The following BNIP5 variants were observed in gnomAD, a reference collection of about 807,000 sequenced individuals.
The protein encoded by BNIP5 is protein BNIP5.
A neutral mutation model predicts 67.3 loss-of-function variants in BNIP5; 61 were observed. The observed-to-expected ratio is 0.91, with a 90% CI of 0.74 to 1.12. BNIP5 has a LOEUF of 1.12. Among genes scored for constraint, BNIP5 ranks in the 50% most tolerant of loss-of-function variants. BNIP5 has a pLI of 0.00. For synonymous variants in BNIP5, 317 were observed against 319.0 expected, an observed-to-expected ratio of 0.99 and a Z score of 0.07; for missense variants, 826 against 816.3, an observed-to-expected ratio of 1.01 and a Z score of -0.14.
chr6:36,325,253 G>A (rs762955238), intron 6 of BNIP5, 30 bp downstream of exon 6: 1 of 1,612,014 alleles, frequency 6.2e-7, no homozygotes, highest in South Asian at 1.1e-5. Flanking sequence ...TTTTGCAAGG[G>A]GTGTCTGAGA....
At chr6:36,326,887 G>A (rs1771775941) in intron 4 of BNIP5, 134 bp from the exon 5 acceptor site, 1 of 1,435,792 alleles carries the variant, frequency 7.0e-7, no homozygotes, top group Non-Finnish European at 9.8e-7. Flanking sequence ...AGAGCAGGGG[G>A]AGGGCTGAGT....
intron 11 of BNIP5, among the ~76,000 whole-genome samples, chr6:36,317,804 TTAAATGAA>T (rs1228309609): frequency 7.1e-6 from 1 of 141,454 alleles, no homozygotes; most frequent in Non-Finnish European, 1.6e-5. Flanking sequence ...TAGCTACCAG[TTAAATGAA>T]TGAATGAATG....
rs182061720 is a variant in BNIP5, at chr6:36,323,197, C to G, written c.1471+96G>C. 2.8e-3 allele frequency: 4,187 copies of G among 1,503,942 alleles called. 19 individuals are homozygous for G. The highest frequency in any genetic ancestry group is 9.3e-3 in the South Asian group (791 of 85,218). 93.2% of individuals were successfully genotyped at this position (1,503,942 alleles called of 1,614,324 possible). On this transcript the variant is annotated intron_variant, in intron 8 of 11. Coordinates refer to ENST00000437635, the MANE Select transcript of BNIP5 (RefSeq NM_001010903.5). ...CAGGGCTTTCAGCAACAGTGGACAT[C>G]CTCCACTATGCCAGCCTGTCAACGA...
Position 36,323,491 on chromosome 6 carries a change from C to A in BNIP5, c.1273G>T (p.Ala425Ser), listed in dbSNP as rs1421505630. The change falls in exon 8 of 12, where the codon GCC becomes TCC. Residue 425 changes from alanine to serine, a missense_variant. Physicochemically the swap from Ala to Ser is moderately conservative, Grantham distance 99. Coordinates refer to ENST00000437635, the MANE Select transcript of BNIP5 (RefSeq NM_001010903.5). The part of the protein sequence containing the change: ...QQEEVGVENP[A>S]PHCRRKSQEK... ...TGAGATTTCCTTCTGCAGTGTGGGGCCGGGTTTTCTACACCCACCTCTTCC... is the reference window on the plus strand; with the variant it reads ...TGAGATTTCCTTCTGCAGTGTGGGGACGGGTTTTCTACACCCACCTCTTCC... The A allele has an allele frequency of 6.2e-7, 1 of 1,614,164 alleles. No individual in the cohort carries two copies. The highest frequency in any genetic ancestry group is 8.5e-7 in the Non-Finnish European group (1 of 1,180,032).
At chr6:36,330,793 T>C in intron 1 of BNIP5, 99 bp from the exon 2 acceptor site, 1 of 1,435,018 alleles carries the variant, frequency 7.0e-7, no homozygotes, top group Non-Finnish European at 9.1e-7. Flanking sequence ...TGACGGAGCC[T>C]CGGTCTATTG....
intron 6 of BNIP5, among the ~76,000 whole-genome samples, chr6:36,324,920 C>A (rs1771727543): frequency 6.6e-6 from 1 of 152,028 alleles, no homozygotes; most frequent in South Asian, 2.1e-4. Flanking sequence ...GAAACTGAGA[C>A]CAGAGATGAA....
Position 36,320,830 on chromosome 6 carries a change from G to A in BNIP5, c.1668+325C>T, listed in dbSNP as rs115840604. On this transcript the variant is annotated intron_variant, in intron 10 of 11. Coordinates refer to ENST00000437635, the MANE Select transcript of BNIP5 (RefSeq NM_001010903.5). ...GGGCCAGGAGTGGCCAGGTGTGGGC[G>A]GAGGAGGCTTCCAAGGACGGGGGAC... is the stretch of plus-strand genomic sequence containing the variant. Among the ~76,000 whole-genome samples, 1,183 of 152,306 alleles carry A rather than the reference G, an allele frequency of 7.8e-3. 24 individuals are homozygous for A. The highest frequency in any genetic ancestry group is 0.027 in the African/African-American group (1,111 of 41,552).
intron 5 of BNIP5, among the ~76,000 whole-genome samples, chr6:36,326,236 G>A (rs867771202): frequency 3.3e-5 from 5 of 152,166 alleles, no homozygotes; most frequent in South Asian, 2.1e-4. Flanking sequence ...AAGTTGAGGC[G>A]GCCAAGAAAT....
rs140143093 is a variant in BNIP5 at position 36,330,152 on chromosome 6, C to T, written c.539G>A (p.Arg180Gln). Residue 180 changes from arginine to glutamine, a missense_variant, in exon 2 of 12, where the codon CGA becomes CAA. Coordinates refer to ENST00000437635, the MANE Select transcript of BNIP5 (RefSeq NM_001010903.5). Reference sequence around the variant, plus strand: ...AGCTGCCTTGGACAACCCTTCCTCTCGGCCTCTGGCCTCCTGGTCTTGAGC... The same window carrying T: ...AGCTGCCTTGGACAACCCTTCCTCTTGGCCTCTGGCCTCCTGGTCTTGAGC... ...KAAQDQEARG[R>Q]EEGLSKAAAA... is the part of the protein sequence containing the mutation. 8.6e-5 allele frequency: 138 copies of T among 1,613,632 alleles called. No individual in the cohort carries two copies. The African/African-American group carries it at 1.5e-3, about 18-fold the overall frequency.
intron 6 of BNIP5, 97 bp downstream of exon 6, chr6:36,325,186 G>T: frequency 7.2e-7 from 1 of 1,382,772 alleles, no homozygotes; most frequent in Non-Finnish European, 1.0e-6. Context: ...GTCTGGACAG[G>T]TCACTGCCTC....
chr6:36,324,028 G>T, intron 7 of BNIP5, 101 bp downstream of exon 7: 1 of 876,622 alleles, frequency 1.1e-6, no homozygotes, highest in Non-Finnish European at 1.9e-6. Context: ...AGGGACTGGA[G>T]CAGGACACAG....
chr6:36,333,586 A>T (rs1771949897), intron 1 of BNIP5, among the ~76,000 whole-genome samples: 1 of 152,232 alleles, frequency 6.6e-6, no homozygotes, highest in African/African-American at 2.4e-5. Flanking sequence ...AGTGCTAGGG[A>T]TACAATCATG....
At position 36,327,091 on chromosome 6, in the gene BNIP5, T is replaced by C. The variant is rs772485388; in HGVS notation, c.731A>G (p.Asp244Gly). The C allele has an allele frequency of 3.1e-6, 5 of 1,613,182 alleles. No individual in the cohort carries two copies. The highest frequency in any genetic ancestry group is 4.2e-6 in the Non-Finnish European group (5 of 1,179,168). ...TTCCACTATCATCTGAATGATAGCA[T>C]CCTCTGGAAGAAAGCAAATGCATCC... ...QEEELKKPDQ[D>G]AIIQMIVELL... The change falls in exon 4 of 12, where the codon GAT becomes GGT. Residue 244 changes from aspartate (D) to glycine (G), a missense_variant. Transcript: ENST00000437635.
chr6:36,328,554 C>T, intron 3 of BNIP5, 44 bp downstream of exon 3: 1 of 1,167,544 alleles, frequency 8.6e-7, no homozygotes. Flanking sequence ...CAGTAACAGC[C>T]ACCTCAGCCA....
intron 5 of BNIP5, 70 bp from the exon 6 acceptor site, chr6:36,325,484 CA>C: frequency 6.5e-7 from 1 of 1,527,412 alleles, no homozygotes; most frequent in Non-Finnish European, 8.8e-7. Flanking sequence ...CAGAAGCTAG[CA>C]CAAACTAAAA....
intron 9 of BNIP5, 142 bp downstream of exon 9, chr6:36,322,169 C>A (rs1318083454): frequency 4.8e-6 from 5 of 1,044,680 alleles, no homozygotes; most frequent in Non-Finnish European, 7.3e-6. Flanking sequence ...GTGCCCCCTG[C>A]CCCATCCTAG....
chr6:36,322,204 G>C (rs930177919), intron 9 of BNIP5, 107 bp downstream of exon 9: 2 of 1,430,988 alleles, frequency 1.4e-6, no homozygotes, highest in African/African-American at 2.8e-5. Context: ...TTTGCCTGCT[G>C]CCTTCCCCAT....
chr6:36,325,322 G>A lies in BNIP5; in HGVS notation c.1129C>T (p.Pro377Ser). The change falls in exon 6 of 12, where the codon CCT becomes TCT. Residue 377 changes from proline to serine, a missense_variant. Transcript: ENST00000437635. ...VLPTPSESQE[P>S]GEELPLDRAS... ...CTGTCCAGCGGAAGCTCCTCTCCAG[G>A]TTCCTGGCTCTCTGATGGGGTGGGA... The A allele has an allele frequency of 6.2e-7, 1 of 1,614,176 alleles. No individual in the cohort carries two copies. Among genetic ancestry groups the A allele is most frequent in the South Asian group, 1.1e-5 (1 of 91,074 alleles).
rs780993810 is a variant in BNIP5 at position 36,326,494 on chromosome 6, T to C, written c.1036+16A>G. On this transcript the variant is annotated intron_variant, in intron 5 of 11. Transcript: ENST00000437635. ...GCAGCTGCAGGGTTGCTATGGCAAC[T>C]GCAGAGCCTGCTCACCATAGCTGCT... The C allele has an allele frequency of 6.2e-7, 1 of 1,613,934 alleles. No homozygotes were observed. Among genetic ancestry groups the C allele is most frequent in the East Asian group, 2.2e-5 (1 of 44,868 alleles).
Sources: gnomAD v4.1 joint callset for allele counts (sites outside exome capture counted in the v4.1 genomes callset) on GRCh38, gnomAD v4.1.1 for gene constraint, MANE v1.5 for transcripts, NCBI Gene and HGNC (gene_info 2026-07-23, HGNC 2026-07-21) for gene names.